The following KDM4C variants were observed in gnomAD, a reference collection of about 807,000 sequenced individuals.
KDM4C encodes the protein lysine-specific demethylase 4C.
In KDM4C, 81 loss-of-function variants were observed where a neutral mutation model predicts 129.3. That is an observed-to-expected ratio of 0.63 (90% CI 0.52 to 0.75). The LOEUF is 0.75. KDM4C is among the 30% of genes least tolerant of loss of function. KDM4C has a pLI of 0.00. For synonymous variants in KDM4C, 573 were observed against 456.1 expected (o/e 1.26, Z -3.26); for missense variants, 1,457 against 1,304.0 (o/e 1.12, Z -1.81).
chr9:6,736,250 C>G (rs919750723), intron 1 of KDM4C, among the ~76,000 whole-genome samples: 2 of 152,120 alleles, frequency 1.3e-5, no homozygotes, highest in African/African-American at 2.4e-5. Context: ...AAAAGAAAAT[C>G]TCATTTTCTG....
chr9:6,834,766 G>T, intron 4 of KDM4C: 1 of 1,178,282 alleles, frequency 8.5e-7, no homozygotes, highest in Non-Finnish European at 1.3e-6. Flanking sequence ...ATCCCATGCT[G>T]CTGACCGAGG....
intron 17 of KDM4C, among the ~76,000 whole-genome samples, chr9:7,061,536 G>C (rs1335183745): frequency 8.7e-6 from 1 of 114,790 alleles, no homozygotes; most frequent in African/African-American, 2.8e-5. Context: ...GATCTGGCTG[G>C]GCATTTTATT....
At chr9:7,116,339 TA>T (rs5896176) in intron 18 of KDM4C, among the ~76,000 whole-genome samples, 68,107 of 151,880 alleles carry the variant, frequency 0.45, 15,602 homozygotes, top group East Asian at 0.75. Flanking sequence ...AATTATACCT[TA>T]AAAATGTCAT....
At chr9:6,866,993 G>GTA (rs1563725480) in intron 5 of KDM4C, among the ~76,000 whole-genome samples, 1 of 39,928 alleles carries the variant, frequency 2.5e-5, no homozygotes, top group Non-Finnish European at 4.3e-5. Context: ...GTGTGTGTGT[G>GTA]TGTGTGTATA....
chr9:7,002,985 C>A (rs573559502), intron 12 of KDM4C, among the ~76,000 whole-genome samples: 1 of 152,200 alleles, frequency 6.6e-6, no homozygotes, highest in Non-Finnish European at 1.5e-5. Flanking sequence ...CTCAGCCTCC[C>A]GAGTAACTGG....
chr9:6,831,083 G>A (rs1834729198), intron 4 of KDM4C, among the ~76,000 whole-genome samples: 1 of 152,228 alleles, frequency 6.6e-6, no homozygotes, highest in South Asian at 2.1e-4. Flanking sequence ...GATCACGTTA[G>A]TGTCATAGAC....
intron 1 of KDM4C, among the ~76,000 whole-genome samples, chr9:6,739,373 A>AT (rs1817619849): frequency 6.6e-6 from 1 of 151,124 alleles, no homozygotes; most frequent in Non-Finnish European, 1.5e-5. Flanking sequence ...GTGCCTAGCC[A>AT]TTTTTTTCCT....
chr9:6,984,294 A>G lies in KDM4C; in HGVS notation c.1244A>G (p.Lys415Arg). The G allele has an allele frequency of 6.2e-7, 1 of 1,614,084 alleles. No homozygotes were observed. Among genetic ancestry groups the G allele is most frequent in the Non-Finnish European group, 8.5e-7 (1 of 1,179,942 alleles). ...SVTDDLKVSE[K>R]SEAAVKLRNT... The stretch of plus-strand genomic sequence containing the variant: ...ACAGATGACCTCAAGGTCAGTGAAA[A>G]GTCAGAAGCAGCAGTGAAGCTGAGG... Residue 415 changes from lysine to arginine, a missense_variant, in exon 10 of 22, where the codon AAG becomes AGG. Coordinates refer to ENST00000381309, the MANE Select transcript of KDM4C (RefSeq NM_015061.6).
chr9:7,063,895 G>A (rs755143341), intron 17 of KDM4C, among the ~76,000 whole-genome samples: 2 of 152,168 alleles, frequency 1.3e-5, no homozygotes, highest in African/African-American at 2.4e-5. Flanking sequence ...GAGCTGGAGC[G>A]TGAAGCATGA....
chr9:6,857,074 G>C (rs913817672), intron 5 of KDM4C, among the ~76,000 whole-genome samples: 1 of 152,056 alleles, frequency 6.6e-6, no homozygotes. Flanking sequence ...TCCTAGGCTG[G>C]TTTTACACTC....
At chr9:6,857,707 T>C (rs1422282586) in intron 5 of KDM4C, among the ~76,000 whole-genome samples, 1 of 152,004 alleles carries the variant, frequency 6.6e-6, no homozygotes, top group Non-Finnish European at 1.5e-5. Context: ...ATCCTAATAA[T>C]GTCAGTCAAC....
At chr9:7,129,885 T>C (rs1840430089) in intron 19 of KDM4C, among the ~76,000 whole-genome samples, 1 of 152,206 alleles carries the variant, frequency 6.6e-6, no homozygotes, top group Non-Finnish European at 1.5e-5. Flanking sequence ...TTGAGGAAAC[T>C]GAGGCACAAC....
intron 17 of KDM4C, among the ~76,000 whole-genome samples, chr9:7,055,967 AAAG>A (rs763893362): frequency 7.9e-5 from 12 of 152,230 alleles, no homozygotes; most frequent in African/African-American, 1.4e-4. Context: ...TGCTAAAAGA[AAAG>A]AAGTAGTGTC....
chr9:6,914,916 T>C (rs1407480605), intron 8 of KDM4C, among the ~76,000 whole-genome samples: 5 of 152,378 alleles, frequency 3.3e-5, no homozygotes, highest in African/African-American at 9.6e-5. Flanking sequence ...TTGTGAATTA[T>C]CTGTAATTTG....
intron 8 of KDM4C, among the ~76,000 whole-genome samples, chr9:6,942,815 G>T (rs1167948960): frequency 2.0e-5 from 3 of 152,132 alleles, no homozygotes; most frequent in Admixed American, 2.0e-4. Flanking sequence ...GGAAGCATAG[G>T]GGGAGTAAAG....
At chr9:7,128,840 C>T (rs578258377) in intron 19 of KDM4C, among the ~76,000 whole-genome samples, 79 of 152,254 alleles carry the variant, frequency 5.2e-4, no homozygotes, top group African/African-American at 1.9e-3. Context: ...TCTCCTCCTT[C>T]CTCTGTCCCC....
chr9:6,826,289 AAGG>A (rs1294993138), intron 4 of KDM4C, among the ~76,000 whole-genome samples: 1 of 151,206 alleles, frequency 6.6e-6, no homozygotes, highest in African/African-American at 2.4e-5. Context: ...ACACCACTTT[AAGG>A]TAAAAGTTAC....
intron 18 of KDM4C, among the ~76,000 whole-genome samples, chr9:7,108,126 A>G (rs1837906234): frequency 2.0e-5 from 3 of 152,070 alleles, no homozygotes; most frequent in Admixed American, 2.0e-4. Context: ...CCGTTCTAGA[A>G]ACTTGTCTAG....
At chr9:6,899,207 G>C (rs187469535) in intron 8 of KDM4C, among the ~76,000 whole-genome samples, 1 of 152,022 alleles carries the variant, frequency 6.6e-6, no homozygotes, top group Non-Finnish European at 1.5e-5. Flanking sequence ...GCAAAATTCA[G>C]AGGAAAGTAT....
Sources: gnomAD v4.1 joint callset for allele counts (sites outside exome capture counted in the v4.1 genomes callset) on GRCh38, gnomAD v4.1.1 for gene constraint, MANE v1.5 for transcripts, NCBI Gene and HGNC (gene_info 2026-07-23, HGNC 2026-07-21) for gene names.